The following SRPK2 variants were observed in gnomAD, a reference collection of about 807,000 sequenced individuals.
The protein encoded by SRPK2 is SFRS protein kinase 2.
SRPK2 carries 21 observed loss-of-function variants against 90.8 expected under a neutral mutation model. That is an observed-to-expected ratio of 0.23 (90% confidence interval 0.16 to 0.33). SRPK2 has a LOEUF of 0.33. SRPK2 is among the 10% of genes least tolerant of loss of function. The probability of loss-of-function intolerance (pLI) is 1.00; values close to 1 mark genes in which losing one functional copy is unlikely to be tolerated. For missense variants in SRPK2, 620 were observed against 869.0 expected (o/e 0.71, Z 3.60); for synonymous variants, 288 against 311.1 (o/e 0.93, Z 0.78).
chr7:105,329,672 A>G (rs966428089), intron 2 of SRPK2, among the ~76,000 whole-genome samples: 10 of 152,148 alleles, frequency 6.6e-5, no homozygotes, highest in Non-Finnish European at 1.5e-4. Flanking sequence ...AAATGAAGTG[A>G]CACCCAATTC....
chr7:105,268,550 AC>A (rs1320077483), intron 2 of SRPK2, among the ~76,000 whole-genome samples: 3 of 152,224 alleles, frequency 2.0e-5, no homozygotes, highest in Non-Finnish European at 4.4e-5. Flanking sequence ...AACAGCTGTC[AC>A]ACATGAACCA....
At chr7:105,131,917 G>A (rs376368514) in intron 13 of SRPK2, among the ~76,000 whole-genome samples, 3 of 152,118 alleles carry the variant, frequency 2.0e-5, no homozygotes, top group East Asian at 1.9e-4. Context: ...AAATACCACT[G>A]AGAAAAAGCT....
In SRPK2 at chr7:105,278,669, G is replaced by C. The variant is rs542323302; in HGVS notation, c.72-74884C>G. On this transcript the variant is annotated intron_variant, in intron 2 of 15. Transcript: ENST00000393651. ...CCACTGCACACCAGCCTGGGCGACA[G>C]AGCCAGACTCCGTGAAGAAGGAAAG... Among the ~76,000 whole-genome samples, 7 of 151,000 alleles carry C rather than the reference G, an allele frequency of 4.6e-5. No individual in the cohort carries two copies. The East Asian group carries it at 1.4e-3, about 29-fold the overall frequency.
In SRPK2 at chr7:105,170,931, A is replaced by AG. The variant is rs1444510924; in HGVS notation, c.230-1667_230-1666insC. On this transcript the variant is annotated intron_variant, in intron 3 of 15. Transcript: ENST00000393651. Reference sequence around the variant, plus strand: ...AGAAAGAAAGGAGAAAGAAAAAGAAAAAGGAAAGAAAGAAAGAAAGAAAGA... The same window carrying AG: ...AGAAAGAAAGGAGAAAGAAAAAGAAAGAAGGAAAGAAAGAAAGAAAGAAAGA... Among the ~76,000 whole-genome samples the AG allele has an allele frequency of 3.5e-3, 171 of 49,306 alleles. 2 individuals are homozygous for AG. The highest frequency in any genetic ancestry group is 9.4e-3 in the Middle Eastern group (1 of 106). The allele number at this position is 49,306 out of a possible 152,430, so 32.3% of individuals were successfully genotyped here.
chr7:105,368,564 C>A (rs1819337141), intron 2 of SRPK2, among the ~76,000 whole-genome samples: 1 of 152,030 alleles, frequency 6.6e-6, no homozygotes, highest in Non-Finnish European at 1.5e-5. Context: ...CTGGCTAAGG[C>A]ACTAAAAAGA....
intron 2 of SRPK2, among the ~76,000 whole-genome samples, chr7:105,239,764 G>A (rs1447455518): frequency 6.6e-6 from 1 of 152,196 alleles, no homozygotes; most frequent in Non-Finnish European, 1.5e-5. Flanking sequence ...CAAATACAGT[G>A]ATACATGGTT....
chr7:105,169,042 G>T, intron 4 of SRPK2, 115 bp downstream of exon 4: 1 of 814,226 alleles, frequency 1.2e-6, no homozygotes, highest in Non-Finnish European at 2.0e-6. Context: ...GCAGGCCTGT[G>T]CTAAGCACTT....
At chr7:105,319,662 G>A (rs914221121) in intron 2 of SRPK2, among the ~76,000 whole-genome samples, 3 of 152,054 alleles carry the variant, frequency 2.0e-5, no homozygotes, top group Non-Finnish European at 2.9e-5. Context: ...AAGCTAACAG[G>A]TAGACAAGAT....
chr7:105,192,984 T>C (rs1361082291), intron 3 of SRPK2, among the ~76,000 whole-genome samples: 2 of 152,214 alleles, frequency 1.3e-5, no homozygotes, highest in Non-Finnish European at 2.9e-5. Context: ...TCCTACGCTT[T>C]CGGTTGTCTG....
Position 105,142,049 on chromosome 7 carries a change from C to T in SRPK2, c.1502G>A (p.Ser501Asn), listed in dbSNP as rs1198093911. 3.1e-6 allele frequency: 5 copies of T among 1,613,764 alleles called. No individual in the cohort carries two copies. The highest frequency in any genetic ancestry group is 4.2e-6 in the Non-Finnish European group (5 of 1,179,916). Residue 501 changes from serine to asparagine, a missense_variant, in exon 11 of 16, where the codon AGC (serine) becomes AAC (asparagine). By Grantham distance (46) the Ser-to-Asn change is conservative. Around this residue, in one of 8 missense-constraint regions of SRPK2, gnomAD observed 243 missense variants for 245.7 expected, o/e 0.99. Coordinates refer to ENST00000393651, the MANE Select transcript of SRPK2 (RefSeq NM_182692.3). ...AGTACTGGAGGCTGAAACCGTTCTG[C>T]TTCTGTCATGGGATGGACTGCTCTC... is the stretch of plus-strand genomic sequence containing the variant. ...QEESSPSHDR[S>N]RTVSASSTGD...
intron 2 of SRPK2, among the ~76,000 whole-genome samples, chr7:105,359,913 G>C (rs2132235535): frequency 6.6e-6 from 1 of 152,270 alleles, no homozygotes; most frequent in Middle Eastern, 3.4e-3. Flanking sequence ...GCAGAGCTGA[G>C]TTCAAGTCCT....
intron 2 of SRPK2, among the ~76,000 whole-genome samples, chr7:105,357,760 C>G: frequency 7.0e-6 from 1 of 143,284 alleles, no homozygotes; most frequent in East Asian, 2.1e-4. Context: ...ACAAAAAAAA[C>G]AATAACAAAA....
At chr7:105,245,099 C>A (rs866167150) in intron 2 of SRPK2, 2 of 615,990 alleles carry the variant, frequency 3.2e-6, no homozygotes, top group Non-Finnish European at 5.8e-6. Flanking sequence ...ATTTCCTAAC[C>A]AAGTGGGAAA....
intron 2 of SRPK2, among the ~76,000 whole-genome samples, chr7:105,237,081 G>A (rs1800233036): frequency 6.6e-6 from 1 of 152,170 alleles, no homozygotes; most frequent in Non-Finnish European, 1.5e-5. Context: ...TACATGACCA[G>A]CTTTCTGAAA....
rs761159751 is a variant in SRPK2 at position 105,203,741 on chromosome 7, G to A, written c.116C>T (p.Pro39Leu). 1.8e-5 allele frequency: 29 copies of A among 1,606,270 alleles called. No individual in the cohort carries two copies. Among genetic ancestry groups the A allele is most frequent in the Middle Eastern group, 1.6e-4 (1 of 6,068 alleles). The change falls in exon 3 of 16, where the codon CCG becomes CTG. Residue 39 changes from proline (P) to leucine (L), a missense_variant. Physicochemically the swap from Pro to Leu is moderately conservative, Grantham distance 98. This residue lies in a region of SRPK2 where 56 missense variants were observed against 49.6 expected (regional missense o/e 1.13). Coordinates refer to ENST00000393651, the MANE Select transcript of SRPK2 (RefSeq NM_182692.3). ...AGGTGGCGGTGGTGGTGGTGGTGGC[G>A]GTGGAGGAGGAGGAACTAAAGGAGC... ...QKAPLVPPPP[P>L]PPPPPPPPLP... is the part of the protein sequence containing the mutation.
At chr7:105,398,640 C>T (rs1021527962) in intron 1 of SRPK2, among the ~76,000 whole-genome samples, 1 of 152,178 alleles carries the variant, frequency 6.6e-6, no homozygotes, top group African/African-American at 2.4e-5. Context: ...ACCTCCAAGG[C>T]TTTTAAATTC....
chr7:105,306,781 T>A, intron 2 of SRPK2: 2 of 202,032 alleles, frequency 9.9e-6, no homozygotes, highest in South Asian at 7.4e-5. Context: ...TTTCTCAGAA[T>A]TAAAAGTAAA....
chr7:105,375,895 G>A (rs1820219022), intron 2 of SRPK2, among the ~76,000 whole-genome samples: 1 of 150,038 alleles, frequency 6.7e-6, no homozygotes, highest in Non-Finnish European at 1.5e-5. Flanking sequence ...GCAAACACCT[G>A]TAGTCCCAGC....
chr7:105,181,463 G>A (rs1792796919), intron 3 of SRPK2, among the ~76,000 whole-genome samples: 1 of 152,120 alleles, frequency 6.6e-6, no homozygotes, highest in Non-Finnish European at 1.5e-5. Context: ...AGGCATGGAA[G>A]CAATGCTCAT....
Sources: allele counts gnomAD v4.1 joint callset (sites outside exome capture counted in the v4.1 genomes callset), GRCh38; gene constraint gnomAD v4.1.1; regional missense constraint gnomAD v4.1.1; transcripts MANE v1.5; gene names NCBI Gene and HGNC (gene_info 2026-07-23, HGNC 2026-07-21).